The following FHIT variants were observed in gnomAD, a reference collection of about 807,000 sequenced individuals.
The protein encoded by FHIT is fragile histidine triad diadenosine triphosphatase, also known as bis(5'-adenosyl)-triphosphatase.
Under a neutral mutation model 17.9 loss-of-function variants are expected in FHIT, and 19 were observed. That is an observed-to-expected ratio of 1.06 (90% CI 0.74 to 1.56). The LOEUF (loss-of-function observed/expected upper bound fraction) is 1.56, where lower values mean the gene tolerates loss of function less well. FHIT is among the 40% of genes most tolerant of loss of function. FHIT has a pLI of 0.00. For synonymous variants in FHIT, 81 were observed against 69.7 expected (o/e 1.16, Z -0.81); for missense variants, 248 against 189.2 (o/e 1.31, Z -1.82).
intron 8 of FHIT, among the ~76,000 whole-genome samples, chr3:59,907,852 T>A (rs1704658877): frequency 6.6e-6 from 1 of 152,220 alleles, no homozygotes; most frequent in Admixed American, 6.5e-5. Flanking sequence ...TGGAGGCTCT[T>A]TGCCTTTTCC....
chr3:60,194,686 G>C (rs865955257), intron 5 of FHIT, among the ~76,000 whole-genome samples: 12 of 152,224 alleles, frequency 7.9e-5, no homozygotes, highest in Middle Eastern at 3.4e-3. Context: ...CTATGCATCT[G>C]ACAAAGGACT....
chr3:60,732,767 A>C (rs1275580626), intron 4 of FHIT: 2 of 259,042 alleles, frequency 7.7e-6, no homozygotes, highest in African/African-American at 4.7e-5. Context: ...GCTCACTGCA[A>C]TCTCCACCTT....
At position 60,160,126 on chromosome 3, in the gene FHIT, GTGTGTGTGTGTGTGTGTC is replaced by G. The variant is rs1198973500; in HGVS notation, c.104-145992_104-145975del. ...AAAACTAATCCCATTCTGTGCTTATGTGTGTGTGTGTGTGTGTCTGTGTGTCTGTGTGTCTGTGTGTGT... is the reference window on the plus strand; with the variant it reads ...AAAACTAATCCCATTCTGTGCTTATGTGTGTGTCTGTGTGTCTGTGTGTGT... On this transcript the variant is annotated intron_variant, in intron 5 of 9. Transcript: ENST00000492590. Among the ~76,000 whole-genome samples the G allele has an allele frequency of 7.6e-5, 3 of 39,652 alleles. No individual in the cohort carries two copies. The African/African-American group carries it at 1.1e-3, about 14-fold the overall frequency. The allele number at this position is 39,652 out of a possible 152,430, so 26.0% of individuals were successfully genotyped here. A position where few individuals can be genotyped will look rare whatever the true frequency, so the allele number is the denominator to read the frequency against.
chr3:59,790,392 A>G (rs1699496695), intron 8 of FHIT, among the ~76,000 whole-genome samples: 2 of 152,180 alleles, frequency 1.3e-5, no homozygotes, highest in Non-Finnish European at 2.9e-5. Context: ...ACAGTAGGAA[A>G]AGGAGGCATT....
intron 8 of FHIT, among the ~76,000 whole-genome samples, chr3:59,788,446 G>C (rs140354844): frequency 3.3e-5 from 5 of 152,088 alleles, no homozygotes; most frequent in African/African-American, 7.2e-5. Flanking sequence ...GACTGGCTCC[G>C]TGCCACCCTT....
intron 5 of FHIT, among the ~76,000 whole-genome samples, chr3:60,098,186 G>A (rs1704043292): frequency 7.3e-6 from 1 of 136,228 alleles, no homozygotes; most frequent in South Asian, 2.8e-4. Context: ...ACGTGTGCAT[G>A]TGTCTTTATA....
chr3:61,080,062 TCAAA>T lies in FHIT; in HGVS notation c.-163-37967_-163-37964del, dbSNP rs376856627. ...AAATAAATTTACACTGGAATAGAAG[TCAAA>T]CAAACATTTAAAAGCACACAGAAAG... On this transcript the variant is annotated intron_variant, in intron 2 of 9. Coordinates refer to ENST00000492590, the MANE Select transcript of FHIT (RefSeq NM_002012.4). 1.6e-3 allele frequency among the ~76,000 whole-genome samples: 244 copies of T among 152,258 alleles called. 8 individuals carry two copies. The South Asian group carries it at 0.048, about 30-fold the overall frequency.
chr3:60,680,170 G>A (rs904592167), intron 4 of FHIT, among the ~76,000 whole-genome samples: 1 of 152,164 alleles, frequency 6.6e-6, no homozygotes, highest in Non-Finnish European at 1.5e-5. Context: ...CTCTGTGAAT[G>A]ATAATCTTCA....
chr3:59,963,462 G>A (rs1707780707), intron 7 of FHIT, among the ~76,000 whole-genome samples: 1 of 152,016 alleles, frequency 6.6e-6, no homozygotes, highest in Non-Finnish European at 1.5e-5. Flanking sequence ...TTACATGAGA[G>A]AGAGAAGGAG....
chr3:60,596,864 T>G (rs1415653151), intron 4 of FHIT, among the ~76,000 whole-genome samples: 1 of 152,128 alleles, frequency 6.6e-6, no homozygotes, highest in Middle Eastern at 3.2e-3. Context: ...AACCTAATAA[T>G]GTGAAGACAG....
intron 5 of FHIT, among the ~76,000 whole-genome samples, chr3:60,485,123 G>T (rs546424366): frequency 2.6e-5 from 4 of 152,188 alleles, no homozygotes; most frequent in African/African-American, 9.7e-5. Context: ...AAGTCAGTCA[G>T]AATGGTGAGT....
chr3:60,845,108 T>G (rs1213385491), intron 3 of FHIT, among the ~76,000 whole-genome samples: 1 of 152,142 alleles, frequency 6.6e-6, no homozygotes, highest in Non-Finnish European at 1.5e-5. Context: ...GTTCTAACAA[T>G]GAATTTAATA....
intron 5 of FHIT, among the ~76,000 whole-genome samples, chr3:60,116,716 GC>G (rs1167079591): frequency 1.3e-5 from 2 of 152,114 alleles, no homozygotes; most frequent in Admixed American, 6.5e-5. Flanking sequence ...GATCAAGCAA[GC>G]AGGTAAGGCA....
intron 5 of FHIT, among the ~76,000 whole-genome samples, chr3:60,369,700 C>G (rs1700246736): frequency 1.3e-5 from 2 of 152,238 alleles, no homozygotes; most frequent in African/African-American, 4.8e-5. Flanking sequence ...AGCTTCTAGG[C>G]TGTTAAGCAA....
intron 5 of FHIT, among the ~76,000 whole-genome samples, chr3:60,149,674 T>C (rs899400394): frequency 2.0e-5 from 3 of 152,000 alleles, no homozygotes; most frequent in Admixed American, 1.3e-4. Flanking sequence ...GGGAATTCAA[T>C]CATCTCCTCC....
At chr3:59,858,439 G>A (rs937023833) in intron 8 of FHIT, among the ~76,000 whole-genome samples, 1 of 151,866 alleles carries the variant, frequency 6.6e-6, no homozygotes, top group South Asian at 2.1e-4. Flanking sequence ...TGTTGGCCAC[G>A]ATGGTCTCAA....
At chr3:59,911,418 G>T (rs1194792436) in intron 8 of FHIT, among the ~76,000 whole-genome samples, 1 of 152,160 alleles carries the variant, frequency 6.6e-6, no homozygotes, top group Non-Finnish European at 1.5e-5. Flanking sequence ...GGTGTGTGTT[G>T]ACCAGCCTAT....
chr3:60,505,941 A>C (rs2034710634), intron 5 of FHIT, among the ~76,000 whole-genome samples: 1 of 152,196 alleles, frequency 6.6e-6, no homozygotes, highest in Non-Finnish European at 1.5e-5. Flanking sequence ...TCCTCATGCC[A>C]ACCCACCTCT....
At chr3:60,468,054 C>T (rs998965585) in intron 5 of FHIT, among the ~76,000 whole-genome samples, 8 of 152,076 alleles carry the variant, frequency 5.3e-5, no homozygotes, top group Non-Finnish European at 1.2e-4. Context: ...CCTTCTTTGT[C>T]TCTTACCATA....
Sources: allele counts gnomAD v4.1 joint callset (sites outside exome capture counted in the v4.1 genomes callset), GRCh38; gene constraint gnomAD v4.1.1; transcripts MANE v1.5; gene names NCBI Gene and HGNC (gene_info 2026-07-23, HGNC 2026-07-21).